Variants in BET1 observed in about 807,000 individuals in gnomAD.
BET1 encodes the protein Bet1 golgi vesicular membrane trafficking protein, also known as BET1 homolog.
BET1 carries 9 observed loss-of-function variants against 13.9 expected under a neutral mutation model. The ratio of observed to expected loss-of-function variants is 0.65; its 90% CI spans 0.39 to 1.13. The LOEUF is 1.13. Ranked by LOEUF, BET1 falls within the 50% of genes most tolerant of loss-of-function variation. The pLI, the probability that BET1 is intolerant of heterozygous loss-of-function variation, is 0.01. For synonymous variants in BET1, 39 were observed against 47.3 expected (o/e 0.82, Z 0.72); for missense variants, 127 against 133.6 (o/e 0.95, Z 0.24).
rs574787663 is a variant in BET1, at chr7:93,978,191, C to T, written c.236-2091G>A. Among the ~76,000 whole-genome samples, 6 of 152,190 alleles carry T rather than the reference C, an allele frequency of 3.9e-5. No homozygotes were observed. In the South Asian group the frequency reaches 1.2e-3, roughly 32 times the overall value. The stretch of plus-strand genomic sequence containing the variant: ...CTAAATGATCCTCCCATCTCTCAGC[C>T]TCCCCATAGCTGGGACTAAAGGCAT... On this transcript the variant is annotated intron_variant and NMD_transcript_variant, in intron 4 of 6. Transcript: ENST00000357520.
At chr7:93,985,104 C>A (rs553577693) in intron 4 of BET1, among the ~76,000 whole-genome samples, 1 of 152,210 alleles carries the variant, frequency 6.6e-6, no homozygotes, top group Non-Finnish European at 1.5e-5. Flanking sequence ...TATCTCTGCC[C>A]TCCCCCACAC....
chr7:94,004,062 G>T, intron 1 of BET1, 136 bp downstream of exon 1: 1 of 1,274,912 alleles, frequency 7.8e-7, no homozygotes, highest in Non-Finnish European at 1.1e-6. Flanking sequence ...CACTCGACAT[G>T]GACCCCAAAG....
intron 3 of BET1, among the ~76,000 whole-genome samples, 195 bp from the exon 4 acceptor site, chr7:93,994,580 G>A (rs191369762): frequency 7.6e-4 from 115 of 152,274 alleles, no homozygotes; most frequent in African/African-American, 2.6e-3. Context: ...TACTCTCAGC[G>A]AATAAAAAGC....
chr7:93,993,010 T>C (rs1795670128), downstream of BET1: 1 of 984,426 alleles, frequency 1.0e-6, no homozygotes, highest in African/African-American at 1.7e-5. Context: ...AACTGACAGG[T>C]TATTAGGGAT....
chr7:93,990,244 AC>A (rs1257266690), downstream of BET1, among the ~76,000 whole-genome samples: 1 of 152,040 alleles, frequency 6.6e-6, no homozygotes, highest in Non-Finnish European at 1.5e-5. Context: ...CTCATGTTCT[AC>A]TTTCCTTAAA....
rs546175128 is a variant in BET1 at position 94,001,730 on chromosome 7, TAAAG to T, written c.20-2440_20-2437del. 1.9e-3 allele frequency among the ~76,000 whole-genome samples: 285 copies of T among 152,372 alleles called. 1 individual carries two copies. The highest frequency in any genetic ancestry group is 6.2e-3 in the African/African-American group (259 of 41,584). On this transcript the variant is annotated intron_variant, in intron 1 of 3. Coordinates refer to ENST00000222547, the MANE Select transcript of BET1 (RefSeq NM_005868.6). ...GTAGTTTAATAAGGGCCAAGATACTTAAAGAAAGAATGTCTTCTTATTTTGTGTG... is the reference window on the plus strand; with the variant it reads ...GTAGTTTAATAAGGGCCAAGATACTTAAAGAATGTCTTCTTATTTTGTGTG...
chr7:93,988,245 A>G (rs986985327), downstream of BET1, among the ~76,000 whole-genome samples: 5 of 152,212 alleles, frequency 3.3e-5, no homozygotes, highest in African/African-American at 1.2e-4. Context: ...TACACACCAA[A>G]TATGTCTTTC....
downstream of BET1, among the ~76,000 whole-genome samples, chr7:93,991,049 G>A (rs1795623549): frequency 6.6e-6 from 1 of 152,044 alleles, no homozygotes; most frequent in Admixed American, 6.6e-5. Context: ...AGAGAACAAA[G>A]CTCTATGAAA....
At chr7:93,979,316 T>C (rs901872599) in intron 4 of BET1, among the ~76,000 whole-genome samples, 6 of 152,212 alleles carry the variant, frequency 3.9e-5, no homozygotes, top group East Asian at 1.9e-4. Context: ...TTCAGTGCAA[T>C]GGCAGGGATT....
downstream of BET1, chr7:93,992,249 C>G (rs558175441): frequency 1.7e-4 from 165 of 985,276 alleles, 1 homozygote; most frequent in African/African-American, 2.6e-3. Context: ...CACTTTTATA[C>G]CACCCAAAAT....
chr7:94,002,458 T>A (rs1166352581), intron 1 of BET1, among the ~76,000 whole-genome samples: 112 of 128,068 alleles, frequency 8.7e-4, no homozygotes, highest in Admixed American at 1.3e-3. Context: ...AGCTTTTTTT[T>A]AAAAAAAAAA....
chr7:93,986,446 T>C (rs1381019029), intron 4 of BET1, among the ~76,000 whole-genome samples: 1 of 152,114 alleles, frequency 6.6e-6, no homozygotes, highest in African/African-American at 2.4e-5. Flanking sequence ...ATAACAAACA[T>C]GAAGAAAGGT....
intron 2 of BET1, among the ~76,000 whole-genome samples, chr7:93,997,013 A>C (rs1795784631): frequency 6.6e-6 from 1 of 152,058 alleles, no homozygotes; most frequent in Non-Finnish European, 1.5e-5. Context: ...AAATTGAAAA[A>C]AATAAATATT....
Position 93,993,849 on chromosome 7 carries a change from G to A in BET1, c.*381C>T. 18 of 1,534,966 alleles carry A rather than the reference G, an allele frequency of 1.2e-5. No homozygotes were observed. The highest frequency in any genetic ancestry group is 1.6e-5 in the Non-Finnish European group (18 of 1,146,498). ...ACTGGCTGACTACTTCAAGAGCTCA[G>A]AGTCAGGCTCTCCAGGCATTCTGTT... On this transcript the variant is annotated 3_prime_UTR_variant, in exon 4 of 4. Transcript: ENST00000222547.
intron 1 of BET1, among the ~76,000 whole-genome samples, chr7:94,002,974 A>G (rs1220602238): frequency 1.3e-5 from 2 of 152,180 alleles, no homozygotes; most frequent in Non-Finnish European, 2.9e-5. Flanking sequence ...ATTTGGATGT[A>G]TAGCGACACT....
At chr7:93,975,337 A>C (rs567654700) in intron 5 of BET1, among the ~76,000 whole-genome samples, 2 of 152,250 alleles carry the variant, frequency 1.3e-5, no homozygotes, top group South Asian at 4.1e-4. Context: ...TTACAAAACA[A>C]GAAGTTTTTA....
At chr7:93,995,482 A>G (rs1378943472) in intron 3 of BET1, among the ~76,000 whole-genome samples, 3 of 152,182 alleles carry the variant, frequency 2.0e-5, no homozygotes, top group Non-Finnish European at 2.9e-5. Flanking sequence ...CATCAGAATC[A>G]CCGGAGATGC....
intron 6 of BET1, among the ~76,000 whole-genome samples, chr7:93,967,638 CAA>C (rs1163256046): frequency 1.3e-5 from 2 of 151,734 alleles, no homozygotes; most frequent in Admixed American, 1.3e-4. Context: ...ATTAACAATT[CAA>C]AGTGTCTATT....
rs763240146 is a variant in BET1 at position 93,978,575 on chromosome 7, G to T, written c.236-2475C>A. ...TTTGCCTTTACTAGTCTGTTGGCTT[G>T]TTTGACTATTTTCATATGCTTCCTT... On this transcript the variant is annotated intron_variant and NMD_transcript_variant, in intron 4 of 6. Coordinates refer to the BET1 transcript ENST00000357520. Among the ~76,000 whole-genome samples the T allele has an allele frequency of 5.3e-5, 8 of 152,030 alleles. 1 individual carries two copies. Among genetic ancestry groups the T allele is most frequent in the Admixed American group, 2.0e-4 (3 of 15,250 alleles).
Sources: allele counts gnomAD v4.1 joint callset (sites outside exome capture counted in the v4.1 genomes callset), GRCh38; gene constraint gnomAD v4.1.1; transcripts MANE v1.5; gene names NCBI Gene and HGNC (gene_info 2026-07-23, HGNC 2026-07-21).